PDGFC: variants seen among roughly 807,000 people sequenced by gnomAD.
PDGFC encodes the protein platelet derived growth factor C.
PDGFC carries 12 observed loss-of-function variants against 35.5 expected under a neutral mutation model. That is an observed-to-expected ratio of 0.34 (90% CI 0.22 to 0.55). The LOEUF (loss-of-function observed/expected upper bound fraction) is 0.55. Among genes scored for constraint, PDGFC ranks in the 20% least tolerant of loss-of-function variants. The pLI is 0.91. For synonymous variants in PDGFC, 159 were observed against 148.8 expected, an observed-to-expected ratio of 1.07 and a Z score of -0.50; for missense variants, 322 against 412.4, an observed-to-expected ratio of 0.78 and a Z score of 1.90.
At chr4:156,827,331 C>T (rs950340305) in intron 2 of PDGFC, among the ~76,000 whole-genome samples, 4 of 151,586 alleles carry the variant, frequency 2.6e-5, no homozygotes, top group East Asian at 1.9e-4. Context: ...GCAGGAGAAT[C>T]GCTTGAATGT....
intron 2 of PDGFC, among the ~76,000 whole-genome samples, chr4:156,832,646 A>T (rs553461391): frequency 1.4e-4 from 21 of 152,296 alleles, no homozygotes; most frequent in Non-Finnish European, 2.4e-4. Flanking sequence ...ACTAACCAGG[A>T]TTTCTAGCAG....
chr4:156,804,263 A>T (rs1164068015), intron 3 of PDGFC, among the ~76,000 whole-genome samples: 1 of 152,056 alleles, frequency 6.6e-6, no homozygotes, highest in Non-Finnish European at 1.5e-5. Flanking sequence ...AAAAAAAAGT[A>T]ATCGTATTCT....
intron 3 of PDGFC, among the ~76,000 whole-genome samples, chr4:156,780,679 T>C (rs914760434): frequency 7.2e-5 from 11 of 152,158 alleles, no homozygotes; most frequent in African/African-American, 2.7e-4. Context: ...TTAAAATGTC[T>C]TGACAGTATA....
chr4:156,899,151 G>A lies in PDGFC; in HGVS notation c.119-48735C>T, dbSNP rs184866068. 3.5e-3 allele frequency among the ~76,000 whole-genome samples: 532 copies of A among 152,300 alleles called. 4 individuals carry two copies. The highest frequency in any genetic ancestry group is 0.012 in the African/African-American group (502 of 41,572). On this transcript the variant is annotated intron_variant, in intron 1 of 5. Transcript: ENST00000502773. ...TTGTGGATTCAACCAACCACAGATTGAAAATATTCAGAAAAATTAAAAGTT... is the reference window on the plus strand; with the variant it reads ...TTGTGGATTCAACCAACCACAGATTAAAAATATTCAGAAAAATTAAAAGTT...
chr4:156,962,810 T>A (rs894153500), intron 1 of PDGFC, among the ~76,000 whole-genome samples: 3 of 152,006 alleles, frequency 2.0e-5, no homozygotes, highest in African/African-American at 4.8e-5. Context: ...CTGCATACTA[T>A]CTGCAAACAT....
chr4:156,779,626 T>C (rs939478185), intron 3 of PDGFC, among the ~76,000 whole-genome samples: 5 of 152,130 alleles, frequency 3.3e-5, no homozygotes, highest in African/African-American at 1.2e-4. Context: ...CTGAGAAGAA[T>C]GGATATATGA....
chr4:156,962,916 A>G (rs1732375752), intron 1 of PDGFC, among the ~76,000 whole-genome samples: 1 of 152,120 alleles, frequency 6.6e-6, no homozygotes, highest in Admixed American at 6.5e-5. Context: ...GACCCATCCA[A>G]CTACCCTCTA....
chr4:156,954,477 A>G (rs929927522), intron 1 of PDGFC, among the ~76,000 whole-genome samples: 9 of 152,006 alleles, frequency 5.9e-5, no homozygotes. Context: ...AACTAGAAAG[A>G]GCAAAAGGGG....
chr4:156,965,575 G>A (rs546216206), intron 1 of PDGFC, among the ~76,000 whole-genome samples: 7 of 152,006 alleles, frequency 4.6e-5, no homozygotes, highest in Admixed American at 1.3e-4. Flanking sequence ...ATGAAGGGAA[G>A]GTGTTATCCA....
At chr4:156,961,471 GA>G (rs1374308809) in intron 1 of PDGFC, among the ~76,000 whole-genome samples, 3 of 152,252 alleles carry the variant, frequency 2.0e-5, no homozygotes, top group African/African-American at 7.2e-5. Context: ...ATCCACTCAT[GA>G]ACAAGGATTT....
At chr4:156,912,793 T>G (rs1270556112) in intron 1 of PDGFC, among the ~76,000 whole-genome samples, 1 of 151,988 alleles carries the variant, frequency 6.6e-6, no homozygotes, top group Non-Finnish European at 1.5e-5. Flanking sequence ...GTAGTCAGAT[T>G]CTGGATGTCC....
intron 1 of PDGFC, among the ~76,000 whole-genome samples, chr4:156,884,057 T>C (rs1206468424): frequency 6.6e-6 from 1 of 152,138 alleles, no homozygotes; most frequent in African/African-American, 2.4e-5. Context: ...CAACTATTCT[T>C]CTCTGGATCC....
At chr4:156,908,964 G>T (rs559669893) in intron 1 of PDGFC, among the ~76,000 whole-genome samples, 13 of 152,252 alleles carry the variant, frequency 8.5e-5, no homozygotes, top group Non-Finnish European at 1.8e-4. Flanking sequence ...TTATGGTAAG[G>T]GAAAGGAGAA....
In PDGFC at chr4:156,812,525, T is replaced by C. The variant is rs746014121; in HGVS notation, c.315-1508A>G. 1.4e-4 allele frequency among the ~76,000 whole-genome samples: 22 copies of C among 152,112 alleles called. 1 individual carries two copies. Among genetic ancestry groups the C allele is most frequent in the East Asian group, 1.3e-3 (7 of 5,198 alleles). ...GTCTGACATGGTTGTAAACCACTGATAGATTTTTTTCAAAATTTTAAATTC... is the reference window on the plus strand; with the variant it reads ...GTCTGACATGGTTGTAAACCACTGACAGATTTTTTTCAAAATTTTAAATTC... On this transcript the variant is annotated intron_variant, in intron 2 of 5. Transcript: ENST00000502773.
intron 1 of PDGFC, among the ~76,000 whole-genome samples, chr4:156,961,120 A>G (rs1732333249): frequency 6.6e-6 from 1 of 152,148 alleles, no homozygotes; most frequent in Non-Finnish European, 1.5e-5. Flanking sequence ...ATCTGCTACC[A>G]AAGCAAAATA....
chr4:156,840,456 A>G (rs1413477666), intron 2 of PDGFC, among the ~76,000 whole-genome samples: 2 of 152,236 alleles, frequency 1.3e-5, no homozygotes, highest in East Asian at 1.9e-4. Flanking sequence ...TAGAGGATCT[A>G]TGGAAACACT....
intron 2 of PDGFC, among the ~76,000 whole-genome samples, chr4:156,821,618 G>T (rs1439460862): frequency 6.6e-6 from 1 of 152,078 alleles, no homozygotes; most frequent in Non-Finnish European, 1.5e-5. Flanking sequence ...TATGATCTTG[G>T]CTCACTGCAA....
chr4:156,774,233 T>G (rs1278429992), intron 3 of PDGFC: 1 of 152,220 alleles, frequency 6.6e-6, no homozygotes, highest in Non-Finnish European at 1.5e-5. Context: ...ACATGCATAT[T>G]TTGTTCCAAT....
At position 156,810,880 on chromosome 4, in the gene PDGFC, G is replaced by A; in HGVS notation, c.452C>T (p.Pro151Leu). ...RIRFVSDEYF[P>L]SEPGFCIHYN... ...GTGGATGCAGAACCCTGGTTCAGAA[G>A]GAAAATATTCATCAGATACAAATCT... The change falls in exon 3 of 6, where the codon CCT becomes CTT. Residue 151 changes from proline to leucine, a missense_variant. Pro to Leu is a moderately conservative substitution (Grantham distance 98). Transcript: ENST00000502773. The A allele has an allele frequency of 6.2e-7, 1 of 1,608,996 alleles. No homozygotes were observed. Among genetic ancestry groups the A allele is most frequent in the Non-Finnish European group, 8.5e-7 (1 of 1,176,260 alleles).
Sources: allele counts gnomAD v4.1 joint callset (sites outside exome capture counted in the v4.1 genomes callset), GRCh38; gene constraint gnomAD v4.1.1; transcripts MANE v1.5; gene names NCBI Gene and HGNC (gene_info 2026-07-23, HGNC 2026-07-21).